TBC1D23: variants seen among roughly 807,000 people sequenced by gnomAD.
TBC1D23 encodes the protein HCV non-structural protein 4A-transactivated protein 1.
A neutral mutation model predicts 91.4 loss-of-function variants in TBC1D23; 55 were observed. The ratio of observed to expected loss-of-function variants is 0.60; its 90% CI spans 0.48 to 0.75. The LOEUF (loss-of-function observed/expected upper bound fraction) is 0.75, where lower values mean the gene tolerates loss of function less well. TBC1D23 is among the 30% of genes least tolerant of loss of function. The pLI is 0.00. For missense variants in TBC1D23, 725 were observed against 836.1 expected (o/e 0.87, Z 1.64); for synonymous variants, 289 against 281.0 (o/e 1.03, Z -0.28).
intron 15 of TBC1D23, among the ~76,000 whole-genome samples, chr3:100,313,010 A>AAATAATAAT (rs3081898): frequency 1.3e-5 from 2 of 149,332 alleles, no homozygotes; most frequent in East Asian, 2.0e-4. Flanking sequence ...GCGTCTCAAA[A>AAATAATAAT]AATAATAATA....
intron 1 of TBC1D23, among the ~76,000 whole-genome samples, chr3:100,276,973 C>T (rs762165922): frequency 2.6e-5 from 4 of 152,154 alleles, no homozygotes; most frequent in Non-Finnish European, 5.9e-5. Flanking sequence ...TGTTTTAAAA[C>T]CTTGTCTGGA....
At chr3:100,265,084 G>A (rs138620294) in intron 1 of TBC1D23, among the ~76,000 whole-genome samples, 7 of 152,174 alleles carry the variant, frequency 4.6e-5, no homozygotes, top group African/African-American at 1.7e-4. Flanking sequence ...CACCTTACAT[G>A]TTATACTAAA....
intron 4 of TBC1D23, among the ~76,000 whole-genome samples, chr3:100,286,747 C>T (rs530158154): frequency 3.0e-4 from 45 of 152,234 alleles, no homozygotes; most frequent in African/African-American, 1.0e-3. Flanking sequence ...CCGCCCAACT[C>T]GACCTCCCAA....
intron 1 of TBC1D23, among the ~76,000 whole-genome samples, chr3:100,277,211 C>T (rs1158429433): frequency 2.0e-5 from 3 of 152,190 alleles, no homozygotes; most frequent in Non-Finnish European, 4.4e-5. Flanking sequence ...TCTGATTGAT[C>T]CTTCTATGAA....
At chr3:100,272,959 A>G (rs568699545) in intron 1 of TBC1D23, among the ~76,000 whole-genome samples, 1 of 152,268 alleles carries the variant, frequency 6.6e-6, no homozygotes, top group African/African-American at 2.4e-5. Flanking sequence ...AGGGACGGGC[A>G]GGAGACAGAT....
intron 15 of TBC1D23, 114 bp from the exon 16 acceptor site, chr3:100,315,985 G>A (rs925956923): frequency 2.5e-5 from 20 of 795,336 alleles, no homozygotes; most frequent in Admixed American, 1.6e-4. Context: ...TGGGGTTTTG[G>A]GGGGGTCAGG....
intron 8 of TBC1D23, among the ~76,000 whole-genome samples, chr3:100,297,176 C>CT (rs755071936): frequency 5.0e-4 from 75 of 151,086 alleles, no homozygotes; most frequent in Non-Finnish European, 5.6e-4. Flanking sequence ...ATGAGAGCAC[C>CT]TTTTTTTTTA....
At chr3:100,279,052 A>G (rs570046620) in intron 1 of TBC1D23, among the ~76,000 whole-genome samples, 16 of 152,364 alleles carry the variant, frequency 1.1e-4, no homozygotes, top group African/African-American at 3.8e-4. Flanking sequence ...GACTGTTAAA[A>G]TTTGAATCCT....
intron 1 of TBC1D23, 160 bp downstream of exon 1, chr3:100,261,231 CT>C (rs1310929294): frequency 6.1e-6 from 4 of 660,100 alleles, no homozygotes; most frequent in Non-Finnish European, 1.0e-5. Context: ...TGGGTGCCCC[CT>C]GCCTGCCTGG....
At position 100,311,387 on chromosome 3, in the gene TBC1D23, T is replaced by C. The variant is rs373983647; in HGVS notation, c.1554-446T>C. ...TGCATTTAGTAAATAGCCGAGAAGG[T>C]AATAGATTATTTTCATTGATCCAAA... On this transcript the variant is annotated intron_variant, in intron 14 of 18. Coordinates refer to ENST00000394144, the MANE Select transcript of TBC1D23 (RefSeq NM_001199198.3). 9.8e-5 allele frequency among the ~76,000 whole-genome samples: 15 copies of C among 152,298 alleles called. No individual in the cohort carries two copies. In the South Asian group the frequency reaches 2.9e-3, roughly 29 times the overall value.
chr3:100,292,441 A>G lies in TBC1D23; in HGVS notation c.600+1740A>G, dbSNP rs544361202. ...CTTCAATTCCTCATCTGCAAAGTGGAAATAATAGTACTGTACCTACTTCAG... is the reference window on the plus strand; with the variant it reads ...CTTCAATTCCTCATCTGCAAAGTGGGAATAATAGTACTGTACCTACTTCAG... On this transcript the variant is annotated intron_variant, in intron 5 of 18. Transcript: ENST00000394144. Among the ~76,000 whole-genome samples the G allele has an allele frequency of 2.6e-5, 4 of 152,334 alleles. No homozygotes were observed. The South Asian group carries it at 8.3e-4, about 32-fold the overall frequency.
At position 100,323,577 on chromosome 3, in the gene TBC1D23, T is replaced by C. The variant is rs763799925; in HGVS notation, c.2019-10T>C. ...TATATGTATATATATGTATTTTTTT[T>C]CCCCCTTAGGTATTTGATTCCAAAT... On this transcript the variant is annotated splice_polypyrimidine_tract_variant and intron_variant, in intron 18 of 18. Transcript: ENST00000394144. 51 of 1,411,286 alleles carry C rather than the reference T, an allele frequency of 3.6e-5. No individual in the cohort carries two copies. The highest frequency in any genetic ancestry group is 3.9e-5 in the Non-Finnish European group (42 of 1,068,552). The allele number at this position is 1,411,286 out of a possible 1,614,324, so 87.4% of individuals were successfully genotyped here.
At chr3:100,314,960 T>C (rs1180393784) in intron 15 of TBC1D23, among the ~76,000 whole-genome samples, 2 of 152,224 alleles carry the variant, frequency 1.3e-5, no homozygotes, top group Admixed American at 6.5e-5. Flanking sequence ...AGTAAAACAA[T>C]GCTTTTCCCC....
intron 10 of TBC1D23, 109 bp downstream of exon 10, chr3:100,299,440 G>T (rs1705377628): frequency 3.7e-6 from 2 of 547,322 alleles, no homozygotes; most frequent in African/African-American, 1.9e-5. Flanking sequence ...TGCTTAAGGA[G>T]GGAGTCTCTG....
chr3:100,312,336 T>G (rs999795046), intron 15 of TBC1D23, among the ~76,000 whole-genome samples: 18 of 152,228 alleles, frequency 1.2e-4, no homozygotes, highest in African/African-American at 4.3e-4. Context: ...ATTTTATATT[T>G]TTAGATTTTT....
rs185971192 is a variant in TBC1D23 at position 100,295,786 on chromosome 3, A to G, written c.773-386A>G. ...TGGCACTTTGTTCTATCTGTATAAC[A>G]ATGTTTATCTTACTGTATTATAATG... On this transcript the variant is annotated intron_variant, in intron 7 of 18. Transcript: ENST00000394144. 3.9e-4 allele frequency among the ~76,000 whole-genome samples: 59 copies of G among 152,296 alleles called. No individual in the cohort carries two copies. In the East Asian group the frequency reaches 4.8e-3, roughly 12 times the overall value.
intron 2 of TBC1D23, among the ~76,000 whole-genome samples, chr3:100,280,265 T>G (rs2067683509): frequency 6.6e-6 from 1 of 152,044 alleles, no homozygotes; most frequent in South Asian, 2.1e-4. Flanking sequence ...TTATGAAAAT[T>G]TTCTTGAAAC....
rs763095209 is a variant in TBC1D23 at position 100,324,413 on chromosome 3, G to A, written c.*745G>A. The A allele has an allele frequency of 2.0e-5, 3 of 152,156 alleles. No homozygotes were observed. Among genetic ancestry groups the A allele is most frequent in the Non-Finnish European group, 4.4e-5 (3 of 67,998 alleles). The allele number at this position is 152,156 out of a possible 1,614,324, so 9.4% of individuals were successfully genotyped here. The stretch of plus-strand genomic sequence containing the variant: ...ATTAACATTTTGGGGACAGAATTGT[G>A]TCTGTAAAAATGTCATTGGTTTTAT... On this transcript the variant is annotated 3_prime_UTR_variant, in exon 19 of 19. Transcript: ENST00000394144.
intron 10 of TBC1D23, among the ~76,000 whole-genome samples, chr3:100,300,765 G>C (rs1705411146): frequency 6.6e-6 from 1 of 152,100 alleles, no homozygotes; most frequent in African/African-American, 2.4e-5. Context: ...CTCCCAAAGT[G>C]CAGGGATTAC....
Sources: allele counts gnomAD v4.1 joint callset (sites outside exome capture counted in the v4.1 genomes callset), GRCh38; gene constraint gnomAD v4.1.1; transcripts MANE v1.5; gene names NCBI Gene and HGNC (gene_info 2026-07-23, HGNC 2026-07-21).